DCC: variants seen among roughly 807,000 people sequenced by gnomAD.
DCC encodes the protein DCC netrin 1 receptor, also known as netrin receptor DCC.
A neutral mutation model predicts 172.5 loss-of-function variants in DCC; 58 were observed. That is an observed-to-expected ratio of 0.34 (90% CI 0.27 to 0.42). The LOEUF (loss-of-function observed/expected upper bound fraction) is 0.42, where lower values mean the gene tolerates loss of function less well. DCC is among the 10% of genes least tolerant of loss of function. DCC has a pLI of 1.00. For missense variants in DCC, 1,740 were observed against 1,791.0 expected (o/e 0.97, Z 0.51); for synonymous variants, 709 against 644.5 (o/e 1.10, Z -1.52).
At chr18:52,804,629 C>T (rs914736440) in intron 2 of DCC, among the ~76,000 whole-genome samples, 5 of 152,252 alleles carry the variant, frequency 3.3e-5, no homozygotes, top group Admixed American at 6.5e-5. Context: ...TGCAGTGGTG[C>T]GATCTCCGCT....
chr18:52,819,786 T>G (rs1413581997), intron 2 of DCC, among the ~76,000 whole-genome samples: 1 of 152,014 alleles, frequency 6.6e-6, no homozygotes, highest in Non-Finnish European at 1.5e-5. Context: ...TGGCGCGATC[T>G]CTGCTCACTG....
At chr18:52,636,788 C>T (rs1216579682) in intron 1 of DCC, among the ~76,000 whole-genome samples, 1 of 152,168 alleles carries the variant, frequency 6.6e-6, no homozygotes, top group African/African-American at 2.4e-5. Flanking sequence ...TAGGGCCCCG[C>T]CCAACCACTG....
At chr18:52,575,858 A>T (rs769388349) in intron 1 of DCC, among the ~76,000 whole-genome samples, 2 of 152,194 alleles carry the variant, frequency 1.3e-5, no homozygotes, top group Non-Finnish European at 2.9e-5. Context: ...GTAAGTAAGT[A>T]ACCTCATTGA....
At chr18:53,057,790 C>T (rs1434361452) in intron 5 of DCC, among the ~76,000 whole-genome samples, 1 of 151,952 alleles carries the variant, frequency 6.6e-6, no homozygotes, top group Admixed American at 6.6e-5. Flanking sequence ...GAAATGAGTC[C>T]TTCCACAGAA....
intron 5 of DCC, among the ~76,000 whole-genome samples, chr18:52,963,209 A>G (rs56341215): frequency 0.39 from 59,007 of 151,674 alleles, 12,033 homozygotes; most frequent in Non-Finnish European, 0.46. Context: ...ATCAAGGGAT[A>G]TAGATTTTTT....
At chr18:53,222,370 CTT>C (rs1202134988) in intron 12 of DCC, among the ~76,000 whole-genome samples, 3 of 125,284 alleles carry the variant, frequency 2.4e-5, no homozygotes, top group African/African-American at 9.3e-5. Context: ...TTTCTTTTTT[CTT>C]TTTCTTTTTT....
intron 7 of DCC, among the ~76,000 whole-genome samples, chr18:53,076,273 CAG>C (rs1364273559): frequency 2.0e-5 from 3 of 152,112 alleles, no homozygotes. Flanking sequence ...GGATGGTAAA[CAG>C]AGATTCTCCA....
intron 1 of DCC, among the ~76,000 whole-genome samples, chr18:52,567,438 T>C (rs1341124156): frequency 2.0e-5 from 3 of 152,142 alleles, no homozygotes; most frequent in Non-Finnish European, 4.4e-5. Flanking sequence ...CTGCCATGGC[T>C]GACATCCTGG....
At chr18:53,345,229 A>G (rs546399422) in intron 15 of DCC, among the ~76,000 whole-genome samples, 4 of 152,156 alleles carry the variant, frequency 2.6e-5, no homozygotes, top group South Asian at 4.1e-4. Context: ...CTCATGGTCT[A>G]TACAAAAACA....
intron 27 of DCC, among the ~76,000 whole-genome samples, chr18:53,511,544 G>A (rs943992678): frequency 1.3e-5 from 2 of 152,248 alleles, no homozygotes; most frequent in South Asian, 2.1e-4. Flanking sequence ...TTCCATCTGA[G>A]GTACCGGGTT....
intron 2 of DCC, among the ~76,000 whole-genome samples, chr18:52,834,061 C>T (rs1180630367): frequency 1.3e-5 from 2 of 152,134 alleles, no homozygotes; most frequent in Admixed American, 6.6e-5. Context: ...AAACAGGTCT[C>T]TCATCTGTGG....
At chr18:52,786,901 A>G (rs2037671011) in intron 2 of DCC, among the ~76,000 whole-genome samples, 1 of 152,128 alleles carries the variant, frequency 6.6e-6, no homozygotes, top group Admixed American at 6.6e-5. Flanking sequence ...TAAAATAACC[A>G]GTTTTCCAAT....
chr18:52,812,927 A>C (rs1198624928), intron 2 of DCC, among the ~76,000 whole-genome samples: 2 of 152,240 alleles, frequency 1.3e-5, no homozygotes, highest in Non-Finnish European at 2.9e-5. Context: ...AATGATCACC[A>C]GCAATCAGGC....
intron 1 of DCC, among the ~76,000 whole-genome samples, chr18:52,569,127 T>C (rs886064455): frequency 6.6e-6 from 1 of 152,210 alleles, no homozygotes; most frequent in Non-Finnish European, 1.5e-5. Context: ...ACCGGATGTT[T>C]ATTGCCAGCT....
At chr18:53,058,416 G>A (rs2042445045) in intron 5 of DCC, among the ~76,000 whole-genome samples, 1 of 152,072 alleles carries the variant, frequency 6.6e-6, no homozygotes, top group African/African-American at 2.4e-5. Context: ...TATAATGAAA[G>A]TTTTCTCATA....
At chr18:53,340,067 CACACACACAT>C (rs1016134061) in intron 15 of DCC, among the ~76,000 whole-genome samples, 160 bp downstream of exon 15, 22 of 125,890 alleles carry the variant, frequency 1.7e-4, no homozygotes, top group East Asian at 3.1e-4. Context: ...CACACACACA[CACACACACAT>C]ACACACACAC....
At chr18:53,223,697 G>A (rs1027057690) in intron 12 of DCC, among the ~76,000 whole-genome samples, 3 of 152,120 alleles carry the variant, frequency 2.0e-5, no homozygotes, top group African/African-American at 7.2e-5. Flanking sequence ...TGATTTTAAA[G>A]ATGTTGAACC....
intron 2 of DCC, among the ~76,000 whole-genome samples, chr18:52,869,363 C>A (rs185632037): frequency 6.6e-6 from 1 of 152,322 alleles, no homozygotes; most frequent in Non-Finnish European, 1.5e-5. Context: ...AGCTGGTCGT[C>A]CTGTTGTCTG....
At chr18:52,779,941 T>C (rs4502327) in intron 2 of DCC, among the ~76,000 whole-genome samples, 4,440 of 152,314 alleles carry the variant, frequency 0.029, 218 homozygotes, top group African/African-American at 0.1. Flanking sequence ...GCTTTCTCCA[T>C]TAAACATGTT....
Sources: gnomAD v4.1 joint callset for allele counts (sites outside exome capture counted in the v4.1 genomes callset) on GRCh38, gnomAD v4.1.1 for gene constraint, MANE v1.5 for transcripts, NCBI Gene and HGNC (gene_info 2026-07-23, HGNC 2026-07-21) for gene names.